AMPH: variants seen among roughly 807,000 people sequenced by gnomAD.
AMPH encodes the protein amphiphysin (Stiff-Mann syndrome with breast cancer 128kD autoantigen).
Under a neutral mutation model 99.1 loss-of-function variants are expected in AMPH, and 49 were observed. The ratio of observed to expected loss-of-function variants is 0.49; its 90% CI spans 0.39 to 0.63. The LOEUF (loss-of-function observed/expected upper bound fraction) is 0.63, where lower values mean the gene tolerates loss of function less well. AMPH is among the 20% of genes least tolerant of loss of function. The probability of loss-of-function intolerance (pLI) is 0.00; values close to 1 mark genes in which losing one functional copy is unlikely to be tolerated. For missense variants in AMPH, 759 were observed against 863.4 expected (o/e 0.88, Z 1.52); for synonymous variants, 314 against 317.3 (o/e 0.99, Z 0.11).
At chr7:38,627,851 A>G (rs1318881434) in intron 1 of AMPH, among the ~76,000 whole-genome samples, 3 of 152,120 alleles carry the variant, frequency 2.0e-5, no homozygotes, top group African/African-American at 7.2e-5. Flanking sequence ...AGATATTATT[A>G]TTATTAGCAA....
At chr7:38,616,149 C>T (rs1029176683) in intron 1 of AMPH, among the ~76,000 whole-genome samples, 6 of 152,164 alleles carry the variant, frequency 3.9e-5, no homozygotes, top group African/African-American at 1.4e-4. Flanking sequence ...CTCCTCTGCA[C>T]AAGCAAGTCG....
intron 16 of AMPH, among the ~76,000 whole-genome samples, chr7:38,420,526 T>C (rs1785544922): frequency 6.6e-6 from 1 of 152,230 alleles, no homozygotes; most frequent in African/African-American, 2.4e-5. Flanking sequence ...TTACAGATAT[T>C]GGTGGCAGCA....
At chr7:38,606,329 T>A (rs10235904) in intron 1 of AMPH, among the ~76,000 whole-genome samples, 5,402 of 152,228 alleles carry the variant, frequency 0.035, 377 homozygotes, top group African/African-American at 0.12. Flanking sequence ...TTCCGGAATA[T>A]TTTCATCATC....
chr7:38,484,557 G>T (rs941542100), intron 5 of AMPH, among the ~76,000 whole-genome samples: 3 of 151,828 alleles, frequency 2.0e-5, no homozygotes, highest in Non-Finnish European at 4.4e-5. Flanking sequence ...GCTGAAGGAG[G>T]TCATCACCAT....
intron 2 of AMPH, among the ~76,000 whole-genome samples, chr7:38,507,972 C>T (rs569921205): frequency 3.5e-4 from 53 of 152,240 alleles, no homozygotes; most frequent in African/African-American, 1.1e-3. Context: ...AATTCTGAAG[C>T]GCTGCAATAT....
At chr7:38,619,124 C>T (rs1440697074) in intron 1 of AMPH, among the ~76,000 whole-genome samples, 2 of 152,036 alleles carry the variant, frequency 1.3e-5, no homozygotes, top group African/African-American at 4.8e-5. Flanking sequence ...TCCAGGAATT[C>T]GAGGCTGCAG....
intron 1 of AMPH, among the ~76,000 whole-genome samples, chr7:38,569,506 T>C (rs1202026154): frequency 1.3e-5 from 2 of 151,638 alleles, no homozygotes; most frequent in Admixed American, 6.6e-5. Flanking sequence ...TTGCCGTTAG[T>C]GCAAAGCATA....
chr7:38,604,259 C>G (rs569864722), intron 1 of AMPH, among the ~76,000 whole-genome samples: 3 of 152,324 alleles, frequency 2.0e-5, no homozygotes, highest in Admixed American at 1.3e-4. Context: ...AGCAACAGAT[C>G]TAGAAAACGA....
intron 1 of AMPH, among the ~76,000 whole-genome samples, chr7:38,595,700 A>G (rs575686223): frequency 3.1e-4 from 47 of 152,046 alleles, no homozygotes; most frequent in African/African-American, 9.9e-4. Flanking sequence ...CCATTTGGTA[A>G]TTTTTCAACC....
intron 2 of AMPH, among the ~76,000 whole-genome samples, chr7:38,507,607 T>G (rs922970314): frequency 3.3e-5 from 5 of 152,250 alleles, no homozygotes; most frequent in Non-Finnish European, 5.9e-5. Flanking sequence ...ATTGCTCAGA[T>G]TTCACTGAAT....
At chr7:38,513,444 T>C (rs1253052931) in intron 2 of AMPH, among the ~76,000 whole-genome samples, 4 of 152,178 alleles carry the variant, frequency 2.6e-5, no homozygotes, top group African/African-American at 9.7e-5. Context: ...AGAAATCATT[T>C]CTTCAAAGAA....
At chr7:38,462,754 A>C (rs931799666) in intron 10 of AMPH, among the ~76,000 whole-genome samples, 1 of 152,192 alleles carries the variant, frequency 6.6e-6, no homozygotes, top group Non-Finnish European at 1.5e-5. Context: ...CGTGGTAAGA[A>C]GTCCCAAAAA....
At chr7:38,436,457 C>T (rs1786269918) in intron 11 of AMPH, 69 bp from the exon 12 acceptor site, 1 of 1,077,184 alleles carries the variant, frequency 9.3e-7, no homozygotes, top group Non-Finnish European at 1.4e-6. Context: ...CATGATATAG[C>T]CCATGTATAC....
Position 38,630,673 on chromosome 7 carries a change from A to G in AMPH, c.69+610T>C, listed in dbSNP as rs115148872. On this transcript the variant is annotated intron_variant, in intron 1 of 20. Coordinates refer to ENST00000356264, the MANE Select transcript of AMPH (RefSeq NM_001635.4). ...ACCAAAATTAAAAGTGTGTATATCT[A>G]GATCTCTGTTTTGAACTCCAGAACT... 3.8e-3 allele frequency among the ~76,000 whole-genome samples: 581 copies of G among 152,384 alleles called. 6 individuals carry two copies. The highest frequency in any genetic ancestry group is 0.013 in the African/African-American group (556 of 41,596).
rs989020415 is a variant in AMPH at position 38,481,643 on chromosome 7, C to T, written c.397-4674G>A. Reference sequence around the variant, plus strand: ...ACAGAAACCATAACGCAGGGTATCCCGCCAATCACAGCTGGAAAAGTTAAA... The same window carrying T: ...ACAGAAACCATAACGCAGGGTATCCTGCCAATCACAGCTGGAAAAGTTAAA... On this transcript the variant is annotated intron_variant, in intron 5 of 20. Transcript: ENST00000356264. 2.0e-5 allele frequency among the ~76,000 whole-genome samples: 3 copies of T among 152,058 alleles called. No individual in the cohort carries two copies. In the South Asian group the frequency reaches 6.2e-4, roughly 32 times the overall value.
intron 1 of AMPH, among the ~76,000 whole-genome samples, chr7:38,564,997 G>A (rs1397111605): frequency 4.0e-5 from 6 of 151,810 alleles, no homozygotes; most frequent in African/African-American, 1.2e-4. Flanking sequence ...GGTGGCGGGT[G>A]CCTGTAGTCC....
At chr7:38,622,214 G>A (rs868129804) in intron 1 of AMPH, among the ~76,000 whole-genome samples, 11 of 152,102 alleles carry the variant, frequency 7.2e-5, no homozygotes, top group Non-Finnish European at 1.5e-4. Context: ...TTTCTCAGAA[G>A]TTCTATGCAG....
chr7:38,630,322 C>T (rs1794410823), intron 1 of AMPH, among the ~76,000 whole-genome samples: 2 of 152,128 alleles, frequency 1.3e-5, no homozygotes, highest in African/African-American at 4.8e-5. Context: ...ACCTCAGGGC[C>T]GTCATATACA....
intron 6 of AMPH, among the ~76,000 whole-genome samples, chr7:38,476,153 G>A (rs541272562): frequency 5.9e-5 from 9 of 152,206 alleles, no homozygotes; most frequent in Non-Finnish European, 1.0e-4. Flanking sequence ...GGAAGAAGGC[G>A]AGGAGGGGAA....
Sources: allele counts gnomAD v4.1 joint callset (sites outside exome capture counted in the v4.1 genomes callset), GRCh38; gene constraint gnomAD v4.1.1; transcripts MANE v1.5; gene names NCBI Gene and HGNC (gene_info 2026-07-23, HGNC 2026-07-21).